Variants in UVRAG observed in about 807,000 individuals in gnomAD.
The protein encoded by UVRAG is UV radiation resistance-associated gene protein.
UVRAG carries 19 observed loss-of-function variants against 78.0 expected under a neutral mutation model. That is an observed-to-expected ratio of 0.24 (90% CI 0.17 to 0.36). The LOEUF (loss-of-function observed/expected upper bound fraction) is 0.36, where lower values mean the gene tolerates loss of function less well. Ranked by LOEUF, UVRAG falls within the 10% of genes least tolerant of loss-of-function variation. The pLI is 1.00. For missense variants in UVRAG, 740 were observed against 853.8 expected (o/e 0.87, Z 1.66); for synonymous variants, 323 against 324.6 (o/e 1.00, Z 0.05).
chr11:75,911,562 T>A (rs1267545974), intron 5 of UVRAG: 1 of 163,552 alleles, frequency 6.1e-6, no homozygotes, highest in African/African-American at 2.4e-5. Context: ...TGGGGATGAC[T>A]GGTCAGCACA....
At chr11:75,817,349 G>A (rs2135795818) in intron 1 of UVRAG, among the ~76,000 whole-genome samples, 1 of 152,304 alleles carries the variant, frequency 6.6e-6, no homozygotes, top group Admixed American at 6.5e-5. Flanking sequence ...ACAGTTCACA[G>A]TTTAACACTG....
At chr11:75,929,472 C>G (rs1048692569) in intron 6 of UVRAG, among the ~76,000 whole-genome samples, 9 of 152,050 alleles carry the variant, frequency 5.9e-5, no homozygotes. Context: ...CTGAAACTCC[C>G]TGGAAAAGGA....
At chr11:76,122,086 C>T (rs1952291235) in intron 14 of UVRAG, among the ~76,000 whole-genome samples, 1 of 152,106 alleles carries the variant, frequency 6.6e-6, no homozygotes, top group Non-Finnish European at 1.5e-5. Flanking sequence ...GTTCAAGGAG[C>T]TTACAGTCTA....
At chr11:76,122,671 C>T (rs1422950250) in intron 14 of UVRAG, among the ~76,000 whole-genome samples, 1 of 152,126 alleles carries the variant, frequency 6.6e-6, no homozygotes, top group Non-Finnish European at 1.5e-5. Context: ...GAATATGGCT[C>T]TTGTTCATAT....
intron 6 of UVRAG, among the ~76,000 whole-genome samples, chr11:75,939,769 C>T (rs10899148): frequency 1 from 152,263 of 152,264 alleles, 76,131 homozygotes; most frequent in Non-Finnish European, 1. Flanking sequence ...AGTGTGGTGT[C>T]TTATTTTTTG....
At chr11:75,828,855 G>A (rs1173483550) in intron 1 of UVRAG, among the ~76,000 whole-genome samples, 1 of 142,224 alleles carries the variant, frequency 7.0e-6, no homozygotes, top group South Asian at 2.2e-4. Flanking sequence ...CTACAGGTGC[G>A]CATGGTGCGC....
intron 7 of UVRAG, among the ~76,000 whole-genome samples, chr11:75,975,474 G>A (rs1448020000): frequency 5.3e-5 from 8 of 152,152 alleles, no homozygotes; most frequent in African/African-American, 9.7e-5. Flanking sequence ...CCATTTTCAC[G>A]ATATTGATTC....
At chr11:75,816,816 G>T (rs574489707) in intron 1 of UVRAG, among the ~76,000 whole-genome samples, 4 of 152,346 alleles carry the variant, frequency 2.6e-5, no homozygotes, top group African/African-American at 9.6e-5. Context: ...GGTTGTAGGG[G>T]AGAGAGTGGT....
chr11:76,037,375 T>C (rs1359723233), intron 12 of UVRAG, among the ~76,000 whole-genome samples: 3 of 151,998 alleles, frequency 2.0e-5, no homozygotes, highest in Non-Finnish European at 4.4e-5. Flanking sequence ...AATTAGATAC[T>C]TATTTAGAAA....
chr11:75,908,120 T>C (rs1016278917), intron 5 of UVRAG, among the ~76,000 whole-genome samples: 3 of 152,152 alleles, frequency 2.0e-5, no homozygotes, highest in African/African-American at 7.2e-5. Flanking sequence ...CGTTCGACTT[T>C]CTGTTTCTAT....
chr11:76,103,263 C>T (rs999397829), intron 13 of UVRAG, among the ~76,000 whole-genome samples: 17 of 151,970 alleles, frequency 1.1e-4, no homozygotes, highest in African/African-American at 2.4e-4. Context: ...GGAATTAACA[C>T]GAGGGGGTGA....
chr11:75,952,176 G>A (rs1948715030), intron 6 of UVRAG, among the ~76,000 whole-genome samples: 1 of 152,044 alleles, frequency 6.6e-6, no homozygotes. Context: ...TCTAGTAGTT[G>A]GATTGTAGAT....
At chr11:76,116,531 C>G (rs921558931) in intron 14 of UVRAG, among the ~76,000 whole-genome samples, 1 of 152,166 alleles carries the variant, frequency 6.6e-6, no homozygotes, top group Non-Finnish European at 1.5e-5. Context: ...TGAGGGCAAG[C>G]TGCTGCTGAA....
chr11:75,967,870 G>C (rs1358752650), intron 7 of UVRAG, among the ~76,000 whole-genome samples: 2 of 152,162 alleles, frequency 1.3e-5, no homozygotes, highest in African/African-American at 4.8e-5. Context: ...ATACAGCTTA[G>C]TAATATGCGA....
intron 7 of UVRAG, among the ~76,000 whole-genome samples, chr11:75,965,416 A>G (rs544256017): frequency 6.6e-6 from 1 of 152,300 alleles, no homozygotes; most frequent in East Asian, 1.9e-4. Context: ...GGTTCACACC[A>G]TTCTCCTGCC....
chr11:75,836,561 T>A (rs931835104), intron 1 of UVRAG, among the ~76,000 whole-genome samples: 1 of 152,178 alleles, frequency 6.6e-6, no homozygotes, highest in Non-Finnish European at 1.5e-5. Flanking sequence ...ATCCATCAAT[T>A]CTTTCTTCAC....
Position 76,097,749 on chromosome 11 carries a change from A to G in UVRAG, c.1306-18175A>G, listed in dbSNP as rs114563462. On this transcript the variant is annotated intron_variant, in intron 13 of 14. Transcript: ENST00000356136. ...GCCTATACAAGACTGAAGGTGGAAC[A>G]AAAAGAAATAGTGTTGTTACCATAG... Among the ~76,000 whole-genome samples, 1,482 of 152,284 alleles carry G rather than the reference A, an allele frequency of 9.7e-3. 26 individuals carry two copies. The highest frequency in any genetic ancestry group is 0.034 in the African/African-American group (1,396 of 41,550).
At chr11:75,947,217 C>G (rs1948603011) in intron 6 of UVRAG, among the ~76,000 whole-genome samples, 1 of 152,124 alleles carries the variant, frequency 6.6e-6, no homozygotes, top group Non-Finnish European at 1.5e-5. Context: ...GCCTATAGCA[C>G]CCAGCTAATC....
intron 14 of UVRAG, among the ~76,000 whole-genome samples, chr11:76,126,396 T>C (rs1055143600): frequency 6.6e-6 from 1 of 152,358 alleles, no homozygotes; most frequent in African/African-American, 2.4e-5. Context: ...TTTTACATTC[T>C]CTTTTTTCAT....
Sources: gnomAD v4.1 joint callset for allele counts (sites outside exome capture counted in the v4.1 genomes callset) on GRCh38, gnomAD v4.1.1 for gene constraint, MANE v1.5 for transcripts, NCBI Gene and HGNC (gene_info 2026-07-23, HGNC 2026-07-21) for gene names.